RTL4: variants seen among roughly 807,000 people sequenced by gnomAD.
RTL4 encodes the protein retrotransposon Gag-like protein 4.
In RTL4, 4 loss-of-function variants were observed where a neutral mutation model predicts 5.3. The observed-to-expected ratio is 0.75, with a 90% CI of 0.37 to 1.72. The LOEUF is 1.72. Ranked by LOEUF, RTL4 falls within the 40% of genes most tolerant of loss-of-function variation. The pLI is 0.04. For synonymous variants in RTL4, 98 were observed against 87.3 expected (o/e 1.12, Z -0.68); for missense variants, 260 against 227.1 (o/e 1.14, Z -0.93).
the RTL4 span, among the ~76,000 whole-genome samples, chrX:112,402,922 G>GAAA: frequency 8.9e-6 from 1 of 111,801 alleles, no homozygotes; most frequent in African/African-American, 3.2e-5. Context: ...CTAAATAAAG[G>GAAA]AAAGAAAGCA....
the RTL4 span, among the ~76,000 whole-genome samples, chrX:112,170,846 C>T: frequency 9.0e-6 from 1 of 111,546 alleles, no homozygotes; most frequent in Non-Finnish European, 1.9e-5. Context: ...CGTATGCTTC[C>T]AGCTTTTGCC....
the RTL4 span, among the ~76,000 whole-genome samples, chrX:112,180,723 C>A: frequency 2.3e-4 from 26 of 111,961 alleles, no homozygotes; most frequent in East Asian, 6.2e-3. Flanking sequence ...CTTTTCCCCC[C>A]AGTTTTACAG....
the RTL4 span, among the ~76,000 whole-genome samples, chrX:112,192,078 T>G: frequency 1.3e-5 from 1 of 74,171 alleles, no homozygotes; most frequent in Non-Finnish European, 2.9e-5. Context: ...TACTAGGGTT[T>G]TTTTTTTTTT....
the RTL4 span, among the ~76,000 whole-genome samples, chrX:112,177,767 A>G: frequency 9.0e-6 from 1 of 111,117 alleles, no homozygotes; most frequent in African/African-American, 3.3e-5. Context: ...GGTACAGACC[A>G]TCCAGTTTCT....
chrX:112,176,952 C>T, the RTL4 span, among the ~76,000 whole-genome samples: 3 of 110,823 alleles, frequency 2.7e-5, no homozygotes, highest in Non-Finnish European at 3.8e-5. Context: ...TGGCTAATTT[C>T]GCTTAACATA....
At chrX:112,366,273 G>T in the RTL4 span, among the ~76,000 whole-genome samples, 1 of 111,734 alleles carries the variant, frequency 8.9e-6, no homozygotes, top group African/African-American at 3.2e-5. Flanking sequence ...AGATGTGAAA[G>T]TACTCTGAAA....
At chrX:112,329,208 A>G in the RTL4 span, among the ~76,000 whole-genome samples, 2 of 111,502 alleles carry the variant, frequency 1.8e-5, no homozygotes, top group Non-Finnish European at 3.8e-5. Context: ...CAAAAAACTA[A>G]TGAATCCAGG....
the RTL4 span, among the ~76,000 whole-genome samples, chrX:112,109,291 C>G: frequency 1.9e-4 from 21 of 111,826 alleles, 1 homozygote; most frequent in Middle Eastern, 9.3e-3. Flanking sequence ...AAGAATGAAG[C>G]CGCAGACCTT....
the RTL4 span, among the ~76,000 whole-genome samples, chrX:112,108,831 G>A: frequency 9.0e-6 from 1 of 111,440 alleles, no homozygotes; most frequent in Non-Finnish European, 1.9e-5. Context: ...CACTGTGCAG[G>A]CCTAAAACCT....
the RTL4 span, among the ~76,000 whole-genome samples, chrX:112,341,122 G>A: frequency 0.044 from 4,699 of 107,285 alleles, 264 homozygotes; most frequent in African/African-American, 0.15. Flanking sequence ...GAAATATTTA[G>A]AGGACAGAAA....
At chrX:112,144,997 A>G in the RTL4 span, among the ~76,000 whole-genome samples, 1 of 110,819 alleles carries the variant, frequency 9.0e-6, no homozygotes, top group Non-Finnish European at 1.9e-5. Flanking sequence ...CTATGGTTCT[A>G]CAAGTCCTTT....
At chrX:112,156,549 G>A in the RTL4 span, among the ~76,000 whole-genome samples, 3,569 of 112,040 alleles carry the variant, frequency 0.032, 140 homozygotes, top group African/African-American at 0.11. Flanking sequence ...CCAGATGTAG[G>A]CAGAGGTGGT....
the RTL4 span, among the ~76,000 whole-genome samples, chrX:112,233,828 C>A: frequency 4.5e-5 from 5 of 111,681 alleles, no homozygotes; most frequent in Non-Finnish European, 9.4e-5. Context: ...AGTAGACATA[C>A]AACAAGTACC....
the RTL4 span, among the ~76,000 whole-genome samples, chrX:112,149,316 T>C: frequency 9.0e-6 from 1 of 111,342 alleles, no homozygotes; most frequent in Non-Finnish European, 1.9e-5. Flanking sequence ...TATTATTATA[T>C]GTGAGATGAT....
At chrX:112,134,481 G>C in the RTL4 span, among the ~76,000 whole-genome samples, 2 of 112,226 alleles carry the variant, frequency 1.8e-5, no homozygotes, top group Non-Finnish European at 3.8e-5. Context: ...AGAAAAGGTA[G>C]GCCTTCATGT....
At chrX:112,301,226 G>A in the RTL4 span, among the ~76,000 whole-genome samples, 1 of 111,859 alleles carries the variant, frequency 8.9e-6, no homozygotes, top group Non-Finnish European at 1.9e-5. Context: ...GATGTGCCCT[G>A]TAATCTGACA....
chrX:112,321,997 G>A, the RTL4 span, among the ~76,000 whole-genome samples: 4 of 111,809 alleles, frequency 3.6e-5, no homozygotes, highest in Non-Finnish European at 7.5e-5. Context: ...ATTTATCAGC[G>A]ACTATTCAAT....
chrX:112,103,316 G>A, the RTL4 span, among the ~76,000 whole-genome samples: 1 of 105,282 alleles, frequency 9.5e-6, no homozygotes, highest in African/African-American at 3.9e-5. Flanking sequence ...AACTGACACA[G>A]GAACAGAAAA....
At chrX:112,248,330 G>A in the RTL4 span, among the ~76,000 whole-genome samples, 3 of 112,262 alleles carry the variant, frequency 2.7e-5, no homozygotes, top group Non-Finnish European at 5.6e-5. Context: ...CAAATAATGT[G>A]CAGTTTGGAA....
Sources: gnomAD v4.1 joint callset for allele counts (sites outside exome capture counted in the v4.1 genomes callset) on GRCh38, gnomAD v4.1.1 for gene constraint, MANE v1.5 for transcripts, NCBI Gene and HGNC (gene_info 2026-07-23, HGNC 2026-07-21) for gene names.